The following NYAP2 variants were observed in gnomAD, a reference collection of about 807,000 sequenced individuals.
NYAP2 encodes the protein neuronal tyrosine-phosphorylated phosphoinositide-3-kinase adapter 2.
Under a neutral mutation model 50.4 loss-of-function variants are expected in NYAP2, and 23 were observed. The observed-to-expected ratio is 0.46, with a 90% confidence interval of 0.33 to 0.65. NYAP2 has a LOEUF of 0.65. Among genes scored for constraint, NYAP2 ranks in the 30% least tolerant of loss-of-function variants. NYAP2 has a pLI of 0.02. For synonymous variants in NYAP2, 394 were observed against 365.2 expected (o/e 1.08, Z -0.90); for missense variants, 885 against 861.0 (o/e 1.03, Z -0.35).
chr2:225,519,128 A>G (rs1001447839), intron 4 of NYAP2, among the ~76,000 whole-genome samples: 12 of 152,140 alleles, frequency 7.9e-5, no homozygotes, highest in Non-Finnish European at 1.3e-4. Flanking sequence ...ATATTATGGC[A>G]TTAAGAAATA....
rs551352616 is a variant in NYAP2, at chr2:225,582,120, G to A, written c.703G>A (p.Ala235Thr). The A allele has an allele frequency of 1.2e-5, 19 of 1,613,972 alleles. No homozygotes were observed. The highest frequency in any genetic ancestry group is 1.1e-4 in the South Asian group (10 of 91,078). The change falls in exon 5 of 7, where the codon GCG (alanine) becomes ACG (threonine). Residue 235 changes from alanine to threonine, a missense_variant. By Grantham distance (58) the Ala-to-Thr change is moderately conservative. Transcript: ENST00000636099. This position sits in a 1 kb window ranked among gnomAD's most constrained non-coding sequence, Gnocchi z 7.0. ...CTCCTTGTCCCAGATGGGCAGCCCCGCGGGAGACCCCGAGGAAGAGGAGCC... is the reference window on the plus strand; with the variant it reads ...CTCCTTGTCCCAGATGGGCAGCCCCACGGGAGACCCCGAGGAAGAGGAGCC...
At chr2:225,556,178 T>C (rs1691773525) in intron 4 of NYAP2, among the ~76,000 whole-genome samples, 1 of 152,182 alleles carries the variant, frequency 6.6e-6, no homozygotes, top group African/African-American at 2.4e-5. Flanking sequence ...AGCTTGCTTT[T>C]TTCTTTAAAG....
Position 225,623,652 on chromosome 2 carries a change from A to G in NYAP2, c.1619-3265A>G, listed in dbSNP as rs564136557. 2.0e-5 allele frequency among the ~76,000 whole-genome samples: 3 copies of G among 152,368 alleles called. No homozygotes were observed. The East Asian group carries it at 5.8e-4, about 29-fold the overall frequency. ...GAATAAACACCCTCACAAATAACTG[A>G]TGGGTGATGAACACACACCAAGTTC... On this transcript the variant is annotated intron_variant, in intron 5 of 6. Transcript: ENST00000636099.
the NYAP2 span, among the ~76,000 whole-genome samples, chr2:225,662,522 G>C: frequency 6.6e-6 from 1 of 152,370 alleles, no homozygotes; most frequent in East Asian, 1.9e-4. Context: ...CCTACGAACA[G>C]ACACTTTAAA....
At chr2:225,487,031 C>G (rs1424820276) in intron 3 of NYAP2, among the ~76,000 whole-genome samples, 1 of 152,220 alleles carries the variant, frequency 6.6e-6, no homozygotes, top group East Asian at 1.9e-4. Flanking sequence ...GTCTGGTAAT[C>G]AAGGCCAGCC....
intron 4 of NYAP2, among the ~76,000 whole-genome samples, chr2:225,569,553 A>G (rs1251250517): frequency 1.3e-5 from 2 of 152,210 alleles, no homozygotes; most frequent in Non-Finnish European, 2.9e-5. Context: ...TCCTGGGAGC[A>G]GGAATAAACT....
At chr2:225,665,666 G>C in the NYAP2 span, among the ~76,000 whole-genome samples, 2 of 150,808 alleles carry the variant, frequency 1.3e-5, no homozygotes, top group Non-Finnish European at 3.0e-5. Flanking sequence ...AAAATTAGCC[G>C]GGTGTGGTGG....
chr2:225,419,382 G>T (rs1364595735), intron 3 of NYAP2, among the ~76,000 whole-genome samples: 1 of 152,158 alleles, frequency 6.6e-6, no homozygotes, highest in Non-Finnish European at 1.5e-5. Flanking sequence ...TTCTGTTCTT[G>T]GGTATTTCAA....
rs1693494385 is a variant in NYAP2 at position 225,639,805 on chromosome 2, G to A, written c.1829-11627G>A. On this transcript the variant is annotated intron_variant, in intron 6 of 6. Coordinates refer to ENST00000636099, the Ensembl canonical transcript of NYAP2. ...CTGTAATTACAATCGGTGATGAAAG[G>A]AGAGTGACAGGGCGCTTCCTTTAGA... is the stretch of plus-strand genomic sequence containing the variant. 2.0e-5 allele frequency among the ~76,000 whole-genome samples: 3 copies of A among 152,148 alleles called. No individual in the cohort carries two copies. In the South Asian group the frequency reaches 6.2e-4, roughly 32 times the overall value.
intron 2 of NYAP2, among the ~76,000 whole-genome samples, chr2:225,406,495 G>C (rs1694942004): frequency 6.6e-6 from 1 of 151,622 alleles, no homozygotes; most frequent in Non-Finnish European, 1.5e-5. Flanking sequence ...ACACTGCCAC[G>C]AAGACATCTA....
intron 3 of NYAP2, among the ~76,000 whole-genome samples, chr2:225,442,521 A>C (rs886230410): frequency 3.9e-5 from 6 of 152,198 alleles, no homozygotes; most frequent in African/African-American, 1.4e-4. Context: ...CTATGAAGAA[A>C]TACCTGAGAT....
the NYAP2 span, among the ~76,000 whole-genome samples, chr2:225,674,507 G>A: frequency 2.6e-5 from 4 of 152,024 alleles, no homozygotes; most frequent in Non-Finnish European, 5.9e-5. Flanking sequence ...TATGTGAGGG[G>A]CAGAAGTGTG....
intron 3 of NYAP2, among the ~76,000 whole-genome samples, chr2:225,413,559 T>G (rs1695079528): frequency 6.6e-6 from 1 of 152,170 alleles, no homozygotes; most frequent in African/African-American, 2.4e-5. Context: ...AAACTACAAT[T>G]TTGGAATTGC....
intron 4 of NYAP2, among the ~76,000 whole-genome samples, chr2:225,520,796 C>T (rs1297763692): frequency 6.6e-6 from 1 of 152,060 alleles, no homozygotes; most frequent in Non-Finnish European, 1.5e-5. Context: ...GTAGTTTTTT[C>T]CAATTCTGTG....
At chr2:225,429,776 T>C (rs1020439688) in intron 3 of NYAP2, among the ~76,000 whole-genome samples, 5 of 152,184 alleles carry the variant, frequency 3.3e-5, no homozygotes, top group African/African-American at 1.2e-4. Flanking sequence ...CTTGCAGTCA[T>C]TTTCTTTTTA....
At chr2:225,663,936 C>T in the NYAP2 span, among the ~76,000 whole-genome samples, 1 of 152,134 alleles carries the variant, frequency 6.6e-6, no homozygotes, top group Admixed American at 6.5e-5. Context: ...CTCCCTAGTC[C>T]TTGACTCCTG....
At chr2:225,398,116 T>C (rs1425833266), upstream of NYAP2, among the ~76,000 whole-genome samples, 3 of 152,048 alleles carry the variant, frequency 2.0e-5, 1 homozygote, top group Non-Finnish European at 4.4e-5. Context: ...GGCAACTGTA[T>C]GTCAGCCTCT....
chr2:225,561,121 T>C (rs1490697963), intron 4 of NYAP2, among the ~76,000 whole-genome samples: 1 of 151,886 alleles, frequency 6.6e-6, no homozygotes, highest in Non-Finnish European at 1.5e-5. Context: ...CATAAGTAAA[T>C]ATGATGGCAG....
intron 3 of NYAP2, among the ~76,000 whole-genome samples, chr2:225,480,737 A>C (rs1297305420): frequency 6.6e-6 from 1 of 152,154 alleles, no homozygotes; most frequent in Non-Finnish European, 1.5e-5. Context: ...GCTGTGTTTG[A>C]GAAGATGACT....
Sources: allele counts gnomAD v4.1 joint callset (sites outside exome capture counted in the v4.1 genomes callset), GRCh38; gene constraint gnomAD v4.1.1; non-coding constraint Gnocchi (gnomAD v3.1); transcripts MANE v1.5; gene names NCBI Gene and HGNC (gene_info 2026-07-23, HGNC 2026-07-21).